Variants in ARHGAP26 observed in about 807,000 individuals in gnomAD.
The protein encoded by ARHGAP26 is rho GTPase-activating protein 26.
A neutral mutation model predicts 104.8 loss-of-function variants in ARHGAP26; 38 were observed. The observed-to-expected ratio is 0.36, with a 90% CI of 0.28 to 0.48. The LOEUF (loss-of-function observed/expected upper bound fraction) is 0.48. Among genes scored for constraint, ARHGAP26 ranks in the 20% least tolerant of loss-of-function variants. The pLI is 0.99. For missense variants in ARHGAP26, 704 were observed against 947.9 expected (o/e 0.74, Z 3.38); for synonymous variants, 341 against 340.0 (o/e 1.00, Z -0.03).
intron 1 of ARHGAP26, among the ~76,000 whole-genome samples, chr5:142,814,631 A>G (rs1295116454): frequency 6.6e-6 from 1 of 152,200 alleles, no homozygotes; most frequent in Non-Finnish European, 1.5e-5. Context: ...AAGTACTGAC[A>G]TGGTAGCTAG....
At position 142,771,463 on chromosome 5, in the gene ARHGAP26, G is replaced by T. The variant is rs374698822; in HGVS notation, c.154+548G>T. The T allele has an allele frequency of 1.0e-5, 12 of 1,198,022 alleles. No individual in the cohort carries two copies. The East Asian group carries it at 3.5e-4, about 35-fold the overall frequency. 74.2% of individuals were successfully genotyped at this position (1,198,022 alleles called of 1,614,324 possible). A position where few individuals can be genotyped will look rare whatever the true frequency, so the allele number is the denominator to read the frequency against. On this transcript the variant is annotated intron_variant, in intron 1 of 22. Transcript: ENST00000645722. Reference sequence around the variant, plus strand: ...TGGGTGGAATGCTTGGTTAGCTTGCGATTCCTTGGAGTATTGGCAGCCAGT... The same window carrying T: ...TGGGTGGAATGCTTGGTTAGCTTGCTATTCCTTGGAGTATTGGCAGCCAGT...
At chr5:143,034,797 G>A (rs1055333267) in intron 12 of ARHGAP26, among the ~76,000 whole-genome samples, 3 of 152,102 alleles carry the variant, frequency 2.0e-5, no homozygotes, top group Non-Finnish European at 4.4e-5. Context: ...ATTCCAACAG[G>A]TATTTGGCCT....
chr5:142,802,291 C>T (rs930046125), intron 1 of ARHGAP26, among the ~76,000 whole-genome samples: 1 of 152,142 alleles, frequency 6.6e-6, no homozygotes, highest in Non-Finnish European at 1.5e-5. Context: ...CAGGATTTAC[C>T]TTGTTTAAAG....
intron 12 of ARHGAP26, among the ~76,000 whole-genome samples, chr5:143,018,674 C>T (rs1206454133): frequency 6.6e-6 from 1 of 152,172 alleles, no homozygotes; most frequent in Non-Finnish European, 1.5e-5. Flanking sequence ...TCTCTGAGCC[C>T]TTTATTCAGG....
intron 1 of ARHGAP26, among the ~76,000 whole-genome samples, chr5:142,824,130 T>TTG (rs1404729409): frequency 1.4e-4 from 22 of 152,218 alleles, no homozygotes; most frequent in African/African-American, 5.1e-4. Context: ...TTTCAGTATG[T>TTG]TGTGTGTATG....
At chr5:143,019,876 C>T (rs1780084543) in intron 12 of ARHGAP26, among the ~76,000 whole-genome samples, 1 of 152,198 alleles carries the variant, frequency 6.6e-6, no homozygotes, top group African/African-American at 2.4e-5. Flanking sequence ...CTAATCTTGA[C>T]TTTATAGTGC....
At chr5:142,831,763 T>A (rs1352565289) in intron 1 of ARHGAP26, among the ~76,000 whole-genome samples, 1 of 152,170 alleles carries the variant, frequency 6.6e-6, no homozygotes, top group Non-Finnish European at 1.5e-5. Context: ...CTTAACACTT[T>A]GCTGCTTTTT....
intron 11 of ARHGAP26, among the ~76,000 whole-genome samples, chr5:142,963,163 G>GATATATATATACATAT (rs1562163912): frequency 1.2e-4 from 14 of 112,166 alleles, no homozygotes; most frequent in African/African-American, 5.7e-4. Context: ...AGTATTCCAT[G>GATATATATATACATAT]GTATATATGT....
At chr5:143,114,764 A>G (rs1193997381) in intron 17 of ARHGAP26, among the ~76,000 whole-genome samples, 1 of 152,204 alleles carries the variant, frequency 6.6e-6, no homozygotes, top group African/African-American at 2.4e-5. Flanking sequence ...ATTTGTGAAC[A>G]GGGGAGCAGC....
chr5:143,007,996 T>C lies in ARHGAP26; in HGVS notation c.1108-6084T>C, dbSNP rs1240848902. Among the ~76,000 whole-genome samples the C allele has an allele frequency of 4.6e-5, 7 of 152,302 alleles. No individual in the cohort carries two copies. The South Asian group carries it at 1.2e-3, about 27-fold the overall frequency. Reference sequence around the variant, plus strand: ...TTCCCATCCTTAGCCATTTATCCCATAGGGGATACATTTCCATCACCAGAA... The same window carrying C: ...TTCCCATCCTTAGCCATTTATCCCACAGGGGATACATTTCCATCACCAGAA... On this transcript the variant is annotated intron_variant, in intron 11 of 22. Coordinates refer to ENST00000645722, the MANE Select transcript of ARHGAP26 (RefSeq NM_001135608.3).
At chr5:142,799,076 G>C (rs1761546211) in intron 1 of ARHGAP26, among the ~76,000 whole-genome samples, 1 of 152,164 alleles carries the variant, frequency 6.6e-6, no homozygotes, top group Non-Finnish European at 1.5e-5. Context: ...AAACCTAACA[G>C]ACATCGCTAA....
At chr5:143,077,181 G>A (rs1301046005) in intron 17 of ARHGAP26, among the ~76,000 whole-genome samples, 1 of 152,158 alleles carries the variant, frequency 6.6e-6, no homozygotes, top group Non-Finnish European at 1.5e-5. Flanking sequence ...GAATGCCTCA[G>A]GTATGTGGGC....
chr5:143,028,869 C>G (rs1781450418), intron 12 of ARHGAP26, among the ~76,000 whole-genome samples: 1 of 152,164 alleles, frequency 6.6e-6, no homozygotes. Flanking sequence ...AGAGAATAGT[C>G]TGGTGTAGGG....
At chr5:143,160,587 C>T (rs1010426429) in intron 20 of ARHGAP26, among the ~76,000 whole-genome samples, 4 of 151,892 alleles carry the variant, frequency 2.6e-5, no homozygotes, top group South Asian at 2.1e-4. Flanking sequence ...TAGGCTCAAG[C>T]GATCCTTCCA....
chr5:143,076,507 G>T (rs1046843894), intron 17 of ARHGAP26, among the ~76,000 whole-genome samples: 1 of 152,062 alleles, frequency 6.6e-6, no homozygotes, highest in Admixed American at 6.6e-5. Flanking sequence ...ATTTATATGT[G>T]TGGGCATATT....
chr5:143,187,938 C>T (rs1176291358), intron 20 of ARHGAP26, among the ~76,000 whole-genome samples: 6 of 152,290 alleles, frequency 3.9e-5, no homozygotes, highest in African/African-American at 1.4e-4. Context: ...GAGGCCACAG[C>T]CCCCTTGATT....
chr5:142,968,481 C>A (rs1376007088), intron 11 of ARHGAP26, among the ~76,000 whole-genome samples: 2 of 152,270 alleles, frequency 1.3e-5, no homozygotes, highest in Admixed American at 6.5e-5. Context: ...GATATGCTCA[C>A]TCTCAAAATG....
intron 11 of ARHGAP26, among the ~76,000 whole-genome samples, chr5:142,984,130 T>A (rs946630328): frequency 1.3e-5 from 2 of 152,180 alleles, no homozygotes; most frequent in African/African-American, 4.8e-5. Context: ...CTGCTGCACC[T>A]CCTGGCCTCA....
At chr5:143,117,526 A>C (rs992074123) in intron 17 of ARHGAP26, among the ~76,000 whole-genome samples, 1 of 152,202 alleles carries the variant, frequency 6.6e-6, no homozygotes, top group African/African-American at 2.4e-5. Context: ...TTAATAATGA[A>C]AGGTGTAACT....
Sources: allele counts gnomAD v4.1 joint callset (sites outside exome capture counted in the v4.1 genomes callset), GRCh38; gene constraint gnomAD v4.1.1; transcripts MANE v1.5; gene names NCBI Gene and HGNC (gene_info 2026-07-23, HGNC 2026-07-21).